Variants in IDH3A observed in about 807,000 individuals in gnomAD.
IDH3A encodes the protein isocitrate dehydrogenase [NAD] subunit alpha, mitochondrial.
A neutral mutation model predicts 43.3 loss-of-function variants in IDH3A; 23 were observed. That is an observed-to-expected ratio of 0.53 (90% confidence interval 0.38 to 0.75). IDH3A has a LOEUF of 0.75. Ranked by LOEUF, IDH3A falls within the 30% of genes least tolerant of loss-of-function variation. The pLI is 0.00. For synonymous variants in IDH3A, 154 were observed against 163.5 expected, an observed-to-expected ratio of 0.94 and a Z score of 0.44; for missense variants, 329 against 474.4, an observed-to-expected ratio of 0.69 and a Z score of 2.85.
chr15:78,169,371 TA>T lies in IDH3A; in HGVS notation c.*368del, dbSNP rs2074791281. 6.3e-6 allele frequency: 1 copy of T among 158,928 alleles called. No individual in the cohort carries two copies. Among genetic ancestry groups the T allele is most frequent in the South Asian group, 2.0e-4 (1 of 4,890 alleles). 9.8% of individuals were successfully genotyped at this position (158,928 alleles called of 1,614,324 possible). A position where few individuals can be genotyped will look rare whatever the true frequency, so the allele number is the denominator to read the frequency against. ...TAACAAGAGAAAATGTCTAACTTTT[TA>T]AGAAAAACCTTATTTTCTTCGGTTT... On this transcript the variant is annotated 3_prime_UTR_variant, in exon 11 of 11. Coordinates refer to ENST00000299518, the MANE Select transcript of IDH3A (RefSeq NM_005530.3).
chr15:78,166,504 T>A (rs1321545639), intron 10 of IDH3A: 1 of 596,336 alleles, frequency 1.7e-6, no homozygotes, highest in Non-Finnish European at 3.0e-6. Flanking sequence ...GATCTAGATA[T>A]TTCATCCAAA....
chr15:78,158,463 A>ATATATATATATATATATATAT (rs1212083496), intron 3 of IDH3A, among the ~76,000 whole-genome samples: 2 of 67,388 alleles, frequency 3.0e-5, no homozygotes, highest in Non-Finnish European at 5.9e-5. Context: ...ATATATATAT[A>ATATATATATATATATATATAT]TTTTTTTTTT....
rs568732889 is a variant in IDH3A, at chr15:78,149,560, T to C, written c.27+130T>C. 5.4e-6 allele frequency: 4 copies of C among 740,458 alleles called. No individual in the cohort carries two copies. The African/African-American group carries it at 7.5e-5, about 14-fold the overall frequency. The allele number at this position is 740,458 out of a possible 1,614,324, so 45.9% of individuals were successfully genotyped here. On this transcript the variant is annotated intron_variant, in intron 1 of 10. Transcript: ENST00000299518. ...GGCGGTGGCTGCCCGCGGGGACAGC[T>C]TGGGAGCCGGTCCTGGTCGCCCGTG... is the stretch of plus-strand genomic sequence containing the variant.
chr15:78,167,123 T>C (rs945673188), intron 10 of IDH3A, among the ~76,000 whole-genome samples: 2 of 152,236 alleles, frequency 1.3e-5, no homozygotes, highest in African/African-American at 4.8e-5. Flanking sequence ...ACTGTGTGCA[T>C]CTATAATACA....
chr15:78,149,496 G>T (rs2074554856), intron 1 of IDH3A, 66 bp downstream of exon 1: 1 of 1,418,416 alleles, frequency 7.1e-7, no homozygotes, highest in Admixed American at 2.2e-5. Context: ...AGAGCCGGTC[G>T]CGTGCCGGGT....
intron 1 of IDH3A, among the ~76,000 whole-genome samples, chr15:78,149,741 C>G (rs1042486196): frequency 6.6e-6 from 1 of 152,230 alleles, no homozygotes; most frequent in African/African-American, 2.4e-5. Context: ...AGGCCAGAGC[C>G]CAGGCTTCGC....
rs2074690864 is a variant in IDH3A at position 78,162,385 on chromosome 15, G to A, written c.611+18G>A. On this transcript the variant is annotated intron_variant, in intron 6 of 10. Transcript: ENST00000299518. ...AACATCATGTGAGCTCCTTGCGGGGGCCGGCACCCCATCTTGCTTTGTTGT... is the reference window on the plus strand; with the variant it reads ...AACATCATGTGAGCTCCTTGCGGGGACCGGCACCCCATCTTGCTTTGTTGT... 1.2e-6 allele frequency: 2 copies of A among 1,611,514 alleles called. No homozygotes were observed. Among genetic ancestry groups the A allele is most frequent in the Non-Finnish European group, 1.7e-6 (2 of 1,178,398 alleles).
Position 78,161,440 on chromosome 15 carries a change from T to C in IDH3A, c.290-141T>C. ...GTTCCAGAAAGCTCCCGTGAGGAAG[T>C]GTTCCTCCTTCATTTGAATCTCAGG... On this transcript the variant is annotated intron_variant, in intron 4 of 10. Coordinates refer to ENST00000299518, the MANE Select transcript of IDH3A (RefSeq NM_005530.3). This position sits in a 1 kb window ranked among gnomAD's most constrained non-coding sequence, Gnocchi z 4.8. The C allele has an allele frequency of 3.1e-6, 2 of 635,168 alleles. No homozygotes were observed. The highest frequency in any genetic ancestry group is 5.5e-6 in the Non-Finnish European group (2 of 363,184). 39.3% of individuals were successfully genotyped at this position (635,168 alleles called of 1,614,324 possible). A position where few individuals can be genotyped will look rare whatever the true frequency, so the allele number is the denominator to read the frequency against.
At chr15:78,163,256 CT>C (rs1258002675) in intron 6 of IDH3A, among the ~76,000 whole-genome samples, 2 of 152,124 alleles carry the variant, frequency 1.3e-5, no homozygotes, top group African/African-American at 2.4e-5. Flanking sequence ...TTAGATAACA[CT>C]ATAAAAATAT....
chr15:78,163,512 T>G lies in IDH3A; in HGVS notation c.617T>G (p.Met206Arg). 6.2e-7 allele frequency: 1 copy of G among 1,608,388 alleles called. No individual in the cohort carries two copies. Among genetic ancestry groups the G allele is most frequent in the Non-Finnish European group, 8.5e-7 (1 of 1,175,310 alleles). Reference sequence around the variant, plus strand: ...TTTTATTTGATTAAATACAGGCGGATGTCAGATGGGCTTTTTCTACAAAAA... The same window carrying G: ...TTTTATTTGATTAAATACAGGCGGAGGTCAGATGGGCTTTTTCTACAAAAA... Reference protein sequence around the residue: ...TAVHKANIMRMSDGLFLQKCR... With the variant: ...TAVHKANIMRRSDGLFLQKCR... Residue 206 changes from methionine to arginine, a missense_variant, in exon 7 of 11, where the codon ATG becomes AGG. Coordinates refer to ENST00000299518, the MANE Select transcript of IDH3A (RefSeq NM_005530.3).
At chr15:78,163,926 T>G (rs528258274) in intron 8 of IDH3A, 146 bp downstream of exon 8, 1 of 612,758 alleles carries the variant, frequency 1.6e-6, no homozygotes, top group South Asian at 2.2e-5. Flanking sequence ...GTTCAGGTTG[T>G]GATATGAATG....
chr15:78,163,373 A>C, intron 6 of IDH3A, 134 bp from the exon 7 acceptor site: 1 of 607,904 alleles, frequency 1.6e-6, no homozygotes, highest in Non-Finnish European at 2.9e-6. Context: ...CCTAAGAAAT[A>C]ATTTTATTGT....
Position 78,171,497 on chromosome 15 carries a change from A to G in IDH3A, c.*2492A>G, listed in dbSNP as rs372529648. On this transcript the variant is annotated 3_prime_UTR_variant, in exon 11 of 11. Coordinates refer to ENST00000299518, the MANE Select transcript of IDH3A (RefSeq NM_005530.3). The stretch of plus-strand genomic sequence containing the variant: ...TCAATGATACCTTTGTACTTCTCCA[A>G]AACTGTGAGCCGTTTCAGTTTCATC... 17 of 1,614,084 alleles carry G rather than the reference A, an allele frequency of 1.1e-5. No homozygotes were observed. The African/African-American group carries it at 1.7e-4, about 16-fold the overall frequency.
chr15:78,164,699 T>C (rs1454409744), intron 8 of IDH3A, among the ~76,000 whole-genome samples: 1 of 152,206 alleles, frequency 6.6e-6, no homozygotes, highest in Non-Finnish European at 1.5e-5. Context: ...ATCATCATAA[T>C]CATGAATATT....
chr15:78,171,551 A>G lies in IDH3A; in HGVS notation c.*2546A>G. On this transcript the variant is annotated 3_prime_UTR_variant, in exon 11 of 11. Coordinates refer to ENST00000299518, the MANE Select transcript of IDH3A (RefSeq NM_005530.3). ...GGACCTAAAAGGGAAATGAGAAGAAATGAGTGAGGCCCAGGCTCTGAGAAC... is the reference window on the plus strand; with the variant it reads ...GGACCTAAAAGGGAAATGAGAAGAAGTGAGTGAGGCCCAGGCTCTGAGAAC... The G allele has an allele frequency of 1.3e-6, 2 of 1,595,894 alleles. No individual in the cohort carries two copies. The highest frequency in any genetic ancestry group is 1.7e-6 in the Non-Finnish European group (2 of 1,163,366).
intron 1 of IDH3A, chr15:78,151,242 A>ATG (rs1363814249): frequency 6.6e-6 from 1 of 152,168 alleles, no homozygotes; most frequent in Non-Finnish European, 1.5e-5. Flanking sequence ...GCTGAGCTGG[A>ATG]TGCCGGTTTC....
At chr15:78,155,191 T>C (rs2074614015) in intron 1 of IDH3A, 22 bp from the exon 2 acceptor site, 1 of 1,578,264 alleles carries the variant, frequency 6.3e-7, no homozygotes, top group Non-Finnish European at 8.7e-7. Context: ...TGTGTGATAT[T>C]TCTCTGTTGA....
intron 1 of IDH3A, 24 bp downstream of exon 1, chr15:78,149,454 TGGCA>T (rs755914231): frequency 1.0e-5 from 16 of 1,527,102 alleles, no homozygotes; most frequent in Admixed American, 5.8e-5. Context: ...GGCCGGCGTG[TGGCA>T]GGCAGGCAGG....
chr15:78,157,145 G>T, intron 2 of IDH3A: 1 of 1,112,446 alleles, frequency 9.0e-7, no homozygotes, highest in Non-Finnish European at 1.1e-6. Context: ...GCCTTCATGA[G>T]AAACCGTCTA....
Sources: allele counts gnomAD v4.1 joint callset (sites outside exome capture counted in the v4.1 genomes callset), GRCh38; gene constraint gnomAD v4.1.1; non-coding constraint Gnocchi (gnomAD v3.1); transcripts MANE v1.5; gene names NCBI Gene and HGNC (gene_info 2026-07-23, HGNC 2026-07-21).